Variants in ARID4A observed in about 807,000 individuals in gnomAD.
The protein encoded by ARID4A is AT-rich interaction domain 4A, also known as AT-rich interactive domain-containing protein 4A.
Under a neutral mutation model 148.6 loss-of-function variants are expected in ARID4A, and 39 were observed. The observed-to-expected ratio is 0.26, with a 90% CI of 0.20 to 0.34. The LOEUF (loss-of-function observed/expected upper bound fraction) is 0.34. Ranked by LOEUF, ARID4A falls within the 10% of genes least tolerant of loss-of-function variation. ARID4A has a pLI of 1.00. For synonymous variants in ARID4A, 475 were observed against 481.2 expected (o/e 0.99, Z 0.17); for missense variants, 1,265 against 1,449.1 (o/e 0.87, Z 2.06).
chr14:58,335,570 C>T (rs925527138), intron 11 of ARID4A, among the ~76,000 whole-genome samples: 2 of 152,106 alleles, frequency 1.3e-5, no homozygotes, highest in Non-Finnish European at 2.9e-5. Flanking sequence ...ATCTCAGCCT[C>T]CCAAAGTGCT....
intron 23 of ARID4A, among the ~76,000 whole-genome samples, chr14:58,367,749 G>T (rs2035419656): frequency 6.6e-6 from 1 of 152,080 alleles, no homozygotes; most frequent in African/African-American, 2.4e-5. Context: ...TAAAATAACA[G>T]TAAAGGAAAT....
chr14:58,364,627 T>A lies in ARID4A; in HGVS notation c.2538T>A (p.Ile846=), dbSNP rs141929655. 8.1e-6 allele frequency: 13 copies of A among 1,613,712 alleles called. No homozygotes were observed. The highest frequency in any genetic ancestry group is 1.1e-5 in the Non-Finnish European group (13 of 1,179,950). Residue 846 remains isoleucine (I), a synonymous_variant, in exon 20 of 24, where the codon ATT becomes ATA. Coordinates refer to ENST00000355431, the MANE Select transcript of ARID4A (RefSeq NM_002892.4). ...TTTCTTCTGCTACAGAAGATGAAAT[T>A]GACCAATGTGTGAAAGAAAAGAAGT... is the stretch of plus-strand genomic sequence containing the variant. The part of the protein sequence containing the change: ...KNFSSATEDE[I]DQCVKEKKLK...
chr14:58,299,616 G>A, intron 1 of ARID4A, 182 bp from the exon 2 acceptor site: 1 of 592,450 alleles, frequency 1.7e-6, no homozygotes, highest in South Asian at 2.0e-5. Context: ...CTGCCCTTTG[G>A]CGCTCGTGGG....
At chr14:58,340,497 A>C (rs1459806923) in intron 11 of ARID4A, among the ~76,000 whole-genome samples, 2 of 152,026 alleles carry the variant, frequency 1.3e-5, no homozygotes, top group African/African-American at 2.4e-5. Context: ...TTACAGGCGC[A>C]CAACGCCACG....
At chr14:58,360,871 C>T in intron 18 of ARID4A, 30 bp from the exon 19 acceptor site, 1 of 1,607,258 alleles carries the variant, frequency 6.2e-7, no homozygotes, top group South Asian at 1.1e-5. Context: ...AGCATTGGCC[C>T]TTCTCATACA....
Position 58,337,246 on chromosome 14 carries a change from T to TTATATATATATATATATA in ARID4A, c.906+7082_906+7099dup, listed in dbSNP as rs57605969. Among the ~76,000 whole-genome samples the TTATATATATATATATATA allele has an allele frequency of 8.5e-3, 709 of 83,690 alleles. 47 individuals carry two copies. The highest frequency in any genetic ancestry group is 0.011 in the African/African-American group (261 of 24,070). The allele number at this position is 83,690 out of a possible 152,430, so 54.9% of individuals were successfully genotyped here. A position where few individuals can be genotyped will look rare whatever the true frequency, so the allele number is the denominator to read the frequency against. On this transcript the variant is annotated intron_variant, in intron 11 of 23. Transcript: ENST00000355431. ...AAATCTCCTAGAACCTTCTCTTTAT[T>TTATATATATATATATATA]TATATATATATATATATATATAATT...
intron 19 of ARID4A, among the ~76,000 whole-genome samples, chr14:58,363,213 T>C (rs2035208576): frequency 6.6e-6 from 1 of 152,250 alleles, no homozygotes; most frequent in Non-Finnish European, 1.5e-5. Flanking sequence ...AAAAAATTCA[T>C]GTTTGCAGTT....
intron 5 of ARID4A, among the ~76,000 whole-genome samples, chr14:58,308,148 C>G (rs1302512934): frequency 6.6e-6 from 1 of 152,156 alleles, no homozygotes; most frequent in South Asian, 2.1e-4. Context: ...TTTAGTGTTT[C>G]TAAAAACTAG....
At chr14:58,342,615 A>G (rs1034123565) in intron 11 of ARID4A, among the ~76,000 whole-genome samples, 3 of 152,194 alleles carry the variant, frequency 2.0e-5, no homozygotes, top group Non-Finnish European at 4.4e-5. Flanking sequence ...CTGTAGGATC[A>G]TAAATACTGG....
In ARID4A at chr14:58,299,712, C is replaced by T. The variant is rs2030963434; in HGVS notation, c.-57-86C>T. On this transcript the variant is annotated intron_variant, in intron 1 of 23. Transcript: ENST00000355431. ...GGCTGGTGAGGATTCTGCCCCTCCC[C>T]GCTGGCGTTTGTTTACTTTCTTTCC... is the stretch of plus-strand genomic sequence containing the variant. The T allele has an allele frequency of 5.1e-6, 6 of 1,184,716 alleles. No individual in the cohort carries two copies. In the South Asian group the frequency reaches 6.5e-5, roughly 13 times the overall value. The allele number at this position is 1,184,716 out of a possible 1,614,324, so 73.4% of individuals were successfully genotyped here.
At chr14:58,337,926 T>C (rs1303535470) in intron 11 of ARID4A, among the ~76,000 whole-genome samples, 2 of 152,214 alleles carry the variant, frequency 1.3e-5, no homozygotes, top group African/African-American at 4.8e-5. Flanking sequence ...GAAGTCTGCC[T>C]GATCATGATG....
In ARID4A at chr14:58,327,093, AC is replaced by A. The variant is rs1228292927; in HGVS notation, c.583-1142del. 3.9e-5 allele frequency among the ~76,000 whole-genome samples: 6 copies of A among 152,356 alleles called. No homozygotes were observed. In the East Asian group the frequency reaches 1.2e-3, roughly 29 times the overall value. On this transcript the variant is annotated intron_variant, in intron 8 of 23. Coordinates refer to ENST00000355431, the MANE Select transcript of ARID4A (RefSeq NM_002892.4). ...TGGATATACACTATTCAGTATGATA[AC>A]CATGAACCATATGTGGCCATTTAAG...
chr14:58,326,520 G>A (rs991598713), intron 8 of ARID4A, among the ~76,000 whole-genome samples: 1 of 152,196 alleles, frequency 6.6e-6, no homozygotes, highest in Non-Finnish European at 1.5e-5. Context: ...GCGAGTGGGG[G>A]AATAATAGGA....
chr14:58,309,939 G>T (rs1376851978), intron 5 of ARID4A, among the ~76,000 whole-genome samples: 1 of 152,130 alleles, frequency 6.6e-6, no homozygotes, highest in Non-Finnish European at 1.5e-5. Context: ...TGTCCTGCAG[G>T]TTTATAAGGT....
At chr14:58,319,645 G>A (rs894551191) in intron 7 of ARID4A, among the ~76,000 whole-genome samples, 4 of 136,118 alleles carry the variant, frequency 2.9e-5, no homozygotes, top group Non-Finnish European at 6.1e-5. Flanking sequence ...TCCCAGGTTC[G>A]GTGATTCTCC....
intron 7 of ARID4A, among the ~76,000 whole-genome samples, chr14:58,320,359 T>C (rs531577649): frequency 1.3e-5 from 2 of 152,310 alleles, no homozygotes; most frequent in South Asian, 4.1e-4. Context: ...GGAGATGTTC[T>C]TACATAACCA....
intron 8 of ARID4A, among the ~76,000 whole-genome samples, chr14:58,325,624 A>G (rs1447682963): frequency 1.3e-5 from 2 of 152,138 alleles, no homozygotes; most frequent in African/African-American, 4.8e-5. Flanking sequence ...TTTTGGTATC[A>G]CTTATCTCTA....
At chr14:58,303,661 C>T in intron 3 of ARID4A, 3 of 408,418 alleles carry the variant, frequency 7.3e-6, no homozygotes, top group South Asian at 5.2e-5. Flanking sequence ...GCAGTGATTC[C>T]TAAAGGGTCC....
At chr14:58,319,792 C>T (rs2032736117) in intron 7 of ARID4A, among the ~76,000 whole-genome samples, 2 of 151,422 alleles carry the variant, frequency 1.3e-5, no homozygotes, top group African/African-American at 4.8e-5. Flanking sequence ...ATTTGCCCGC[C>T]TTGGCCTCTC....
Sources: allele counts gnomAD v4.1 joint callset (sites outside exome capture counted in the v4.1 genomes callset), GRCh38; gene constraint gnomAD v4.1.1; transcripts MANE v1.5; gene names NCBI Gene and HGNC (gene_info 2026-07-23, HGNC 2026-07-21).